ABCA6: variants seen among roughly 807,000 people sequenced by gnomAD.
ABCA6 encodes ATP-binding cassette sub-family A member 6.
In ABCA6, 164 loss-of-function variants were observed where a neutral mutation model predicts 191.2. That is an observed-to-expected ratio of 0.86 (90% CI 0.76 to 0.98). The LOEUF (loss-of-function observed/expected upper bound fraction) is 0.98. Ranked by LOEUF, ABCA6 falls within the 50% of genes least tolerant of loss-of-function variation. The probability of loss-of-function intolerance (pLI) is 0.00; values close to 1 mark genes in which losing one functional copy is unlikely to be tolerated. For synonymous variants in ABCA6, 636 were observed against 647.7 expected (o/e 0.98, Z 0.27); for missense variants, 1,958 against 1,894.1 (o/e 1.03, Z -0.63).
At position 69,110,526 on chromosome 17, in the gene ABCA6, T is replaced by C. The variant is rs1463374627; in HGVS notation, c.2272+275A>G. On this transcript the variant is annotated intron_variant, in intron 17 of 38. Coordinates refer to ENST00000284425, the MANE Select transcript of ABCA6 (RefSeq NM_080284.3). Reference sequence around the variant, plus strand: ...TTCATTTATTTCCCTCCCGTGGGCATTGCACCTCAATTGCCTACCACAGTA... The same window carrying C: ...TTCATTTATTTCCCTCCCGTGGGCACTGCACCTCAATTGCCTACCACAGTA... 1.4e-4 allele frequency: 45 copies of C among 313,196 alleles called. No homozygotes were observed. The East Asian group carries it at 3.3e-3, about 23-fold the overall frequency. The allele number at this position is 313,196 out of a possible 1,614,324, so 19.4% of individuals were successfully genotyped here.
intron 13 of ABCA6, among the ~76,000 whole-genome samples, chr17:69,114,279 C>A (rs2073491772): frequency 6.6e-6 from 1 of 151,866 alleles, no homozygotes; most frequent in Non-Finnish European, 1.5e-5. Flanking sequence ...ATGGATGAAG[C>A]TGGAAACCAT....
intron 30 of ABCA6, 108 bp from the exon 31 acceptor site, chr17:69,085,824 AT>A: frequency 4.1e-6 from 3 of 725,632 alleles, no homozygotes; most frequent in Non-Finnish European, 2.4e-6. Context: ...AGTTAGTACC[AT>A]TTTGAGATTG....
intron 4 of ABCA6, among the ~76,000 whole-genome samples, 157 bp from the exon 5 acceptor site, chr17:69,134,899 T>TTTTTTTTTTTTG (rs1568037249): frequency 6.8e-6 from 1 of 147,996 alleles, no homozygotes; most frequent in African/African-American, 2.5e-5. Flanking sequence ...TTTTTTTTTT[T>TTTTTTTTTTTTG]GGAGATGAAG....
intron 25 of ABCA6, among the ~76,000 whole-genome samples, chr17:69,092,017 T>C (rs2072935614): frequency 6.6e-6 from 1 of 152,230 alleles, no homozygotes; most frequent in Non-Finnish European, 1.5e-5. Flanking sequence ...GCTTTCTCAT[T>C]GTCCTTCCTG....
At chr17:69,131,602 T>C (rs868576227) in intron 6 of ABCA6, among the ~76,000 whole-genome samples, 5 of 152,190 alleles carry the variant, frequency 3.3e-5, no homozygotes, top group South Asian at 2.1e-4. Flanking sequence ...GACACTATAC[T>C]TAAAGAATAA....
At position 69,098,842 on chromosome 17, in the gene ABCA6, C is replaced by T. The variant is rs148631403; in HGVS notation, c.3013-815G>A. On this transcript the variant is annotated intron_variant, in intron 22 of 38. Transcript: ENST00000284425. ...GCTAATTGGCATCGAGTTTCAATTC[C>T]GCAAGACGGCAAAGTTCTGGAGATG... 1.5e-4 allele frequency among the ~76,000 whole-genome samples: 23 copies of T among 152,018 alleles called. No homozygotes were observed. The East Asian group carries it at 3.3e-3, about 22-fold the overall frequency.
chr17:69,080,198 G>A (rs1329008575), intron 37 of ABCA6, among the ~76,000 whole-genome samples: 1 of 152,106 alleles, frequency 6.6e-6, no homozygotes, highest in East Asian at 1.9e-4. Flanking sequence ...CAAACACAAT[G>A]AGCTAGGCAC....
At chr17:69,083,501 T>A (rs1024109155) in intron 34 of ABCA6, among the ~76,000 whole-genome samples, 170 bp from the exon 35 acceptor site, 1 of 152,248 alleles carries the variant, frequency 6.6e-6, no homozygotes, top group Admixed American at 6.5e-5. Flanking sequence ...TATTTTTAGA[T>A]GTGCTAATCA....
chr17:69,113,049 T>G (rs2073460049), intron 15 of ABCA6, 173 bp downstream of exon 15: 2 of 622,958 alleles, frequency 3.2e-6, no homozygotes, highest in Non-Finnish European at 4.7e-6. Context: ...ACCTAGCAAA[T>G]GTACAACCAG....
chr17:69,079,750 A>G (rs4968996), intron 37 of ABCA6, among the ~76,000 whole-genome samples: 123,776 of 152,152 alleles, frequency 0.81, 52,662 homozygotes, highest in Non-Finnish European at 0.94. Flanking sequence ...AATCTGCTAC[A>G]TGTGAGGCAC....
At chr17:69,130,407 G>A (rs2073841609) in intron 6 of ABCA6, among the ~76,000 whole-genome samples, 1 of 151,942 alleles carries the variant, frequency 6.6e-6, no homozygotes, top group Non-Finnish European at 1.5e-5. Flanking sequence ...TTAGGCAACA[G>A]CTCTGTGTGC....
intron 10 of ABCA6, among the ~76,000 whole-genome samples, chr17:69,119,357 A>C (rs1231545540): frequency 6.6e-6 from 1 of 152,038 alleles, no homozygotes; most frequent in Admixed American, 6.6e-5. Flanking sequence ...ACCTGGTATC[A>C]TTTTTGTAAA....
intron 37 of ABCA6, among the ~76,000 whole-genome samples, chr17:69,079,862 A>G (rs894242236): frequency 1.3e-5 from 2 of 152,234 alleles, no homozygotes; most frequent in Admixed American, 1.3e-4. Context: ...TAAATACACA[A>G]GCACTGCATA....
In ABCA6 at chr17:69,113,635, T is replaced by C. The variant is rs1220374794; in HGVS notation, c.1885A>G (p.Ile629Val). Residue 629 changes from isoleucine (I) to valine (V), a missense_variant, in exon 14 of 39, where the codon ATT becomes GTT. By Grantham distance (29) the Ile-to-Val change is conservative. Coordinates refer to ENST00000284425, the MANE Select transcript of ABCA6 (RefSeq NM_080284.3). The stretch of plus-strand genomic sequence containing the variant: ...TCACTTACTTGAGGATCTCCTAAAA[T>C]GGTAATCCCAAAAGTCAGCTTTCTT... ...QKRKLTFGIT[I>V]LGDPQILLLD... 2.5e-6 allele frequency: 4 copies of C among 1,612,918 alleles called. No individual in the cohort carries two copies. Among genetic ancestry groups the C allele is most frequent in the African/African-American group, 1.3e-5 (1 of 74,842 alleles).
rs1161525351 is a variant in ABCA6, at chr17:69,113,230, A to G, written c.2033T>C (p.Ile678Thr). The change falls in exon 15 of 39, where the codon ATC (isoleucine) becomes ACC (threonine). Residue 678 changes from isoleucine (I) to threonine (T), a missense_variant. Ile to Thr is a moderately conservative substitution (Grantham distance 89, BLOSUM62 -1). Coordinates refer to ENST00000284425, the MANE Select transcript of ABCA6 (RefSeq NM_080284.3). The part of the protein sequence containing the change: ...FSTQSMDEAD[I>T]LADRKVIMSN... ...ATAAAACCAACAATTACCAGCCAGG[A>G]TGTCAGCCTCATCCATGGACTGGGT... The G allele has an allele frequency of 1.2e-6, 2 of 1,602,572 alleles. No individual in the cohort carries two copies. Among genetic ancestry groups the G allele is most frequent in the Admixed American group, 1.8e-5 (1 of 56,728 alleles).
chr17:69,130,316 CA>C (rs374056337), intron 6 of ABCA6, among the ~76,000 whole-genome samples: 5,637 of 130,502 alleles, frequency 0.043, 98 homozygotes, highest in Non-Finnish European at 0.055. Flanking sequence ...GACTCCATCT[CA>C]AAAAAAAAAA....
At chr17:69,089,655 T>C in intron 26 of ABCA6, 113 bp from the exon 27 acceptor site, 1 of 874,762 alleles carries the variant, frequency 1.1e-6, no homozygotes, top group Non-Finnish European at 1.7e-6. Context: ...AGATCTCAAT[T>C]TCTTTGTGTG....
chr17:69,107,402 A>T (rs1245955407), intron 18 of ABCA6, among the ~76,000 whole-genome samples: 1 of 152,122 alleles, frequency 6.6e-6, no homozygotes, highest in Non-Finnish European at 1.5e-5. Flanking sequence ...ATATATTCAG[A>T]CCTCATTCCC....
At chr17:69,083,388 A>C (rs2072691472) in intron 34 of ABCA6, 57 bp from the exon 35 acceptor site, 12 of 1,497,048 alleles carry the variant, frequency 8.0e-6, no homozygotes, top group Non-Finnish European at 1.1e-5. Flanking sequence ...GAAGAAAAAA[A>C]AGATAAAATA....
Sources: gnomAD v4.1 joint callset for allele counts (sites outside exome capture counted in the v4.1 genomes callset) on GRCh38, gnomAD v4.1.1 for gene constraint, MANE v1.5 for transcripts, NCBI Gene and HGNC (gene_info 2026-07-23, HGNC 2026-07-21) for gene names.